Variants in ZNF438 observed in about 807,000 individuals in gnomAD.
ZNF438 encodes zinc finger protein 438.
A neutral mutation model predicts 38.0 loss-of-function variants in ZNF438; 25 were observed. The ratio of observed to expected loss-of-function variants is 0.66; its 90% CI spans 0.48 to 0.92. The LOEUF (loss-of-function observed/expected upper bound fraction) is 0.92. Among genes scored for constraint, ZNF438 ranks in the 40% least tolerant of loss-of-function variants. ZNF438 has a pLI of 0.00. For synonymous variants in ZNF438, 372 were observed against 364.1 expected, an observed-to-expected ratio of 1.02 and a Z score of -0.25; for missense variants, 1,007 against 999.6, an observed-to-expected ratio of 1.01 and a Z score of -0.10.
At chr10:31,016,854 TGGG>T (rs2056233045) in intron 1 of ZNF438, among the ~76,000 whole-genome samples, 1 of 152,128 alleles carries the variant, frequency 6.6e-6, no homozygotes, top group Admixed American at 6.5e-5. Context: ...GTACCAAAGG[TGGG>T]AGTGCATCCT....
chr10:31,032,057 T>G (rs1199724855), upstream of ZNF438: 1 of 152,260 alleles, frequency 6.6e-6, no homozygotes, highest in East Asian at 1.9e-4. Flanking sequence ...CCCGCATGCC[T>G]GTGGGCTTCG....
chr10:30,948,100 T>A (rs1178649290), intron 1 of ZNF438, among the ~76,000 whole-genome samples: 1 of 151,940 alleles, frequency 6.6e-6, no homozygotes, highest in Non-Finnish European at 1.5e-5. Flanking sequence ...CCCTGACCCC[T>A]GAGCAGCCTA....
chr10:30,857,654 T>C (rs1055145116), intron 4 of ZNF438: 1 of 1,482,304 alleles, frequency 6.7e-7, no homozygotes, highest in Non-Finnish European at 9.1e-7. Flanking sequence ...CAAAAGCATA[T>C]TTTTATATTT....
At chr10:30,940,500 A>T (rs1440189537) in intron 2 of ZNF438, among the ~76,000 whole-genome samples, 1 of 152,194 alleles carries the variant, frequency 6.6e-6, no homozygotes, top group Admixed American at 6.5e-5. Context: ...CAGGAAAACC[A>T]GTACAAGTTA....
intron 1 of ZNF438, among the ~76,000 whole-genome samples, chr10:31,014,357 C>G (rs1163319066): frequency 6.6e-6 from 1 of 152,192 alleles, no homozygotes; most frequent in Admixed American, 6.5e-5. Flanking sequence ...CTGATAAGGG[C>G]CACTTCTGGG....
intron 1 of ZNF438, among the ~76,000 whole-genome samples, chr10:31,013,163 C>T (rs932486399): frequency 4.6e-5 from 7 of 152,122 alleles, no homozygotes; most frequent in Non-Finnish European, 1.0e-4. Context: ...ACTAAAAATA[C>T]AAAAAATTAG....
chr10:30,961,164 T>A (rs1236450686), intron 1 of ZNF438, among the ~76,000 whole-genome samples: 1 of 143,350 alleles, frequency 7.0e-6, no homozygotes, highest in Non-Finnish European at 1.6e-5. Context: ...AAAAAAAAAG[T>A]TTTTTTTACA....
chr10:31,023,577 T>C lies in ZNF438; in HGVS notation c.-192+8256A>G, dbSNP rs554757402. Among the ~76,000 whole-genome samples the C allele has an allele frequency of 6.6e-5, 10 of 152,358 alleles. No homozygotes were observed. The East Asian group carries it at 1.9e-3, about 29-fold the overall frequency. On this transcript the variant is annotated intron_variant, in intron 1 of 5. Transcript: ENST00000413025. The stretch of plus-strand genomic sequence containing the variant: ...TCAAAAGTATGTTATATTAGCGCCA[T>C]AGCTAACATCAACATGTTTGACATA...
chr10:30,979,313 A>C (rs543568214), intron 1 of ZNF438, among the ~76,000 whole-genome samples: 1 of 152,232 alleles, frequency 6.6e-6, no homozygotes, highest in Non-Finnish European at 1.5e-5. Context: ...GGAAGAACCA[A>C]TATCACGGAA....
intron 1 of ZNF438, among the ~76,000 whole-genome samples, chr10:31,010,443 A>C (rs2055564263): frequency 6.6e-6 from 1 of 152,236 alleles, no homozygotes; most frequent in African/African-American, 2.4e-5. Context: ...GGGAAGACTA[A>C]AGACATAACC....
intron 3 of ZNF438, among the ~76,000 whole-genome samples, chr10:30,882,844 A>T (rs2133833306): frequency 6.6e-6 from 1 of 152,340 alleles, no homozygotes. Context: ...AATATATGCA[A>T]TTGACTGTAT....
intron 3 of ZNF438, among the ~76,000 whole-genome samples, chr10:30,888,298 G>C (rs1434105783): frequency 6.6e-6 from 1 of 150,760 alleles, no homozygotes; most frequent in African/African-American, 2.5e-5. Context: ...TCAAGAGCAA[G>C]AGAACCCAAA....
At chr10:30,939,279 T>A (rs146770717) in intron 2 of ZNF438, among the ~76,000 whole-genome samples, 1 of 152,380 alleles carries the variant, frequency 6.6e-6, no homozygotes, top group East Asian at 1.9e-4. Context: ...GGGTTGTTTA[T>A]GTGCATACTG....
rs138799365 is a variant in ZNF438, at chr10:31,007,319, T to C, written c.-192+24514A>G. On this transcript the variant is annotated intron_variant, in intron 1 of 5. Coordinates refer to ENST00000413025, the Ensembl canonical transcript of ZNF438. ...TTTTTGGAGACAGAGTCTCACACTG[T>C]TGCCCTGGCTGAAGTGCAGTGGCGT... is the stretch of plus-strand genomic sequence containing the variant. 9.1e-3 allele frequency among the ~76,000 whole-genome samples: 1,366 copies of C among 149,660 alleles called. 20 individuals carry two copies. Among genetic ancestry groups the C allele is most frequent in the African/African-American group, 0.031 (1,262 of 40,214 alleles).
chr10:30,995,443 C>T (rs921683601), intron 1 of ZNF438, among the ~76,000 whole-genome samples: 4 of 152,210 alleles, frequency 2.6e-5, no homozygotes, highest in African/African-American at 9.6e-5. Flanking sequence ...ATTAAGGCAT[C>T]CCCAGAAAAA....
chr10:30,954,464 A>G (rs982003103), intron 1 of ZNF438, among the ~76,000 whole-genome samples: 8 of 152,242 alleles, frequency 5.3e-5, no homozygotes, highest in African/African-American at 1.9e-4. Context: ...TCTCTACAGC[A>G]TGGCTGTAAA....
intron 1 of ZNF438, among the ~76,000 whole-genome samples, chr10:30,947,553 C>T (rs944499698): frequency 1.4e-5 from 2 of 146,350 alleles, no homozygotes; most frequent in African/African-American, 5.1e-5. Flanking sequence ...TGGGCTCCGC[C>T]CAGTTGGAGC....
intron 2 of ZNF438, among the ~76,000 whole-genome samples, chr10:30,917,962 C>T (rs987061180): frequency 3.9e-5 from 6 of 151,988 alleles, no homozygotes; most frequent in African/African-American, 1.5e-4. Flanking sequence ...TGATTCATCT[C>T]AAATAGATTT....
intron 1 of ZNF438, among the ~76,000 whole-genome samples, chr10:31,010,015 ATTTTTGTAT>A (rs2055524753): frequency 6.6e-6 from 1 of 151,844 alleles, no homozygotes; most frequent in African/African-American, 2.4e-5. Flanking sequence ...CAACCGGCTA[ATTTTTGTAT>A]TTTTAGTAGA....
Sources: gnomAD v4.1 joint callset for allele counts (sites outside exome capture counted in the v4.1 genomes callset) on GRCh38, gnomAD v4.1.1 for gene constraint, MANE v1.5 for transcripts, NCBI Gene and HGNC (gene_info 2026-07-23, HGNC 2026-07-21) for gene names.